The following GPAT4 variants were observed in gnomAD, a reference collection of about 807,000 sequenced individuals.
GPAT4 encodes the protein glycerol-3-phosphate acyltransferase 4, also known as 1-AGP acyltransferase 6.
Under a neutral mutation model 58.0 loss-of-function variants are expected in GPAT4, and 17 were observed. That is an observed-to-expected ratio of 0.29 (90% CI 0.20 to 0.44). The LOEUF is 0.44. GPAT4 is among the 20% of genes least tolerant of loss of function. The probability of loss-of-function intolerance (pLI) is 1.00; values close to 1 mark genes in which losing one functional copy is unlikely to be tolerated. For synonymous variants in GPAT4, 204 were observed against 210.1 expected, an observed-to-expected ratio of 0.97 and a Z score of 0.25; for missense variants, 377 against 574.5, an observed-to-expected ratio of 0.66 and a Z score of 3.51.
intron 2 of GPAT4, among the ~76,000 whole-genome samples, chr8:41,605,276 G>A (rs983613419): frequency 1.6e-4 from 24 of 152,212 alleles, no homozygotes; most frequent in African/African-American, 1.4e-4. Flanking sequence ...AACTCAGAAT[G>A]AATTAGTTGA....
intron 1 of GPAT4, among the ~76,000 whole-genome samples, chr8:41,581,928 C>T (rs554686125): frequency 1.7e-4 from 24 of 143,202 alleles, no homozygotes; most frequent in African/African-American, 5.1e-4. Flanking sequence ...CCATCGCACC[C>T]GGCCGACTTG....
At chr8:41,579,559 C>T (rs1393255380) in intron 1 of GPAT4, among the ~76,000 whole-genome samples, 1 of 151,334 alleles carries the variant, frequency 6.6e-6, no homozygotes, top group Non-Finnish European at 1.5e-5. Flanking sequence ...AAAGTATGGC[C>T]GGGCGTGGTG....
chr8:41,618,509 GC>G lies in GPAT4; in HGVS notation c.1054-174del, dbSNP rs59962050. ...GGGTTCCTCGGGGGAGATCAGTGTT[GC>G]TCACAGTCAGAACCGGCCACATGGA... On this transcript the variant is annotated intron_variant, in intron 10 of 12. Transcript: ENST00000396987. 3,109 of 778,204 alleles carry G rather than the reference GC, an allele frequency of 4.0e-3. 81 individuals carry two copies. The African/African-American group carries it at 0.046, about 11-fold the overall frequency. The allele number at this position is 778,204 out of a possible 1,614,324, so 48.2% of individuals were successfully genotyped here.
rs183566588 is a variant in GPAT4 at position 41,598,717 on chromosome 8, A to C, written c.-423A>C. 8 of 161,680 alleles carry C rather than the reference A, an allele frequency of 4.9e-5. No homozygotes were observed. In the East Asian group the frequency reaches 1.4e-3, roughly 29 times the overall value. 10.0% of individuals were successfully genotyped at this position (161,680 alleles called of 1,614,324 possible). A position where few individuals can be genotyped will look rare whatever the true frequency, so the allele number is the denominator to read the frequency against. On this transcript the variant is annotated 5_prime_UTR_variant, in exon 2 of 13. Transcript: ENST00000396987. The stretch of plus-strand genomic sequence containing the variant: ...TTTAATTCTTCTTCGTACTTCTGGT[A>C]GTGACAGATCTGCAGGACAGATTTA...
At chr8:41,585,634 G>A (rs74827925) in intron 1 of GPAT4, among the ~76,000 whole-genome samples, 1,566 of 152,308 alleles carry the variant, frequency 0.01, 30 homozygotes, top group African/African-American at 0.033. Context: ...CACAGGATAT[G>A]TATTATTCCC....
intron 9 of GPAT4, 116 bp from the exon 10 acceptor site, chr8:41,614,847 C>G: frequency 1.2e-6 from 1 of 812,886 alleles, no homozygotes; most frequent in Non-Finnish European, 2.0e-6. Context: ...ACAGATGTAT[C>G]TTACTGGAGG....
In GPAT4 at chr8:41,599,188, A is replaced by G; in HGVS notation, c.49A>G (p.Ile17Val). 1 of 1,613,744 alleles carries G rather than the reference A, an allele frequency of 6.2e-7. No individual in the cohort carries two copies. Among genetic ancestry groups the G allele is most frequent in the Non-Finnish European group, 8.5e-7 (1 of 1,179,890 alleles). ...FDSLIVNLLG[I>V]SLTVLFTLLL... ...TAGCCTGATTGTCAACCTTCTGGGCATCTCCCTGACTGTCCTCTTCACCCT... is the reference window on the plus strand; with the variant it reads ...TAGCCTGATTGTCAACCTTCTGGGCGTCTCCCTGACTGTCCTCTTCACCCT... Residue 17 changes from isoleucine (I) to valine (V), a missense_variant, in exon 2 of 13, where the codon ATC becomes GTC. By Grantham distance (29) the Ile-to-Val change is conservative. Coordinates refer to ENST00000396987, the MANE Select transcript of GPAT4 (RefSeq NM_178819.4).
At chr8:41,620,131 T>G (rs1803705411) in intron 12 of GPAT4, among the ~76,000 whole-genome samples, 1 of 152,236 alleles carries the variant, frequency 6.6e-6, no homozygotes, top group Non-Finnish European at 1.5e-5. Context: ...GCTTTTAAAA[T>G]CTATGCCTTT....
intron 1 of GPAT4, among the ~76,000 whole-genome samples, chr8:41,589,552 A>G (rs997041307): frequency 6.6e-6 from 1 of 152,132 alleles, no homozygotes; most frequent in East Asian, 1.9e-4. Flanking sequence ...TGTTTTTTGC[A>G]TCTGTTTAAA....
chr8:41,615,082 C>T, intron 10 of GPAT4, 34 bp downstream of exon 10: 1 of 1,565,834 alleles, frequency 6.4e-7, no homozygotes, highest in Non-Finnish European at 8.8e-7. Flanking sequence ...ACTGTCATTA[C>T]TGGAGCTGCT....
At chr8:41,585,950 A>G (rs971328120) in intron 1 of GPAT4, among the ~76,000 whole-genome samples, 6 of 152,352 alleles carry the variant, frequency 3.9e-5, no homozygotes, top group African/African-American at 4.8e-5. Flanking sequence ...TTAATCTTAG[A>G]TTCTTTTAAA....
rs1312820786 is a variant in GPAT4, at chr8:41,603,163, A to G, written c.165+3859A>G. On this transcript the variant is annotated intron_variant, in intron 2 of 12. Coordinates refer to ENST00000396987, the MANE Select transcript of GPAT4 (RefSeq NM_178819.4). ...TAAGTTTAGAGCCGGAAGAAAGTTC[A>G]GAGATCGTCTTCATTTTGCCGTTCT... Among the ~76,000 whole-genome samples the G allele has an allele frequency of 1.3e-5, 2 of 152,216 alleles. 1 individual carries two copies. Among genetic ancestry groups the G allele is most frequent in the Non-Finnish European group, 2.9e-5 (2 of 68,022 alleles).
Position 41,613,443 on chromosome 8 carries a change from CT to C in GPAT4, c.911+490del, listed in dbSNP as rs542112864. Among the ~76,000 whole-genome samples the C allele has an allele frequency of 3.4e-3, 511 of 151,996 alleles. 1 individual carries two copies. Among genetic ancestry groups the C allele is most frequent in the Non-Finnish European group, 5.3e-3 (358 of 67,972 alleles). On this transcript the variant is annotated intron_variant, in intron 8 of 12. Transcript: ENST00000396987. ...TACCAAGTTAATAATGTTTCTTAAC[CT>C]TTTTTTAATTCATTGTACCCATCAT...
intron 7 of GPAT4, 96 bp downstream of exon 7, chr8:41,612,369 A>G: frequency 3.2e-6 from 4 of 1,250,268 alleles, no homozygotes; most frequent in East Asian, 4.7e-5. Flanking sequence ...AAACACATTT[A>G]TGCGTGGGCC....
intron 5 of GPAT4, 47 bp downstream of exon 5, chr8:41,610,857 G>C (rs757361050): frequency 1.9e-6 from 3 of 1,543,170 alleles, no homozygotes; most frequent in Middle Eastern, 1.7e-4. Flanking sequence ...TTAGTTCTGG[G>C]AATGGTGCTC....
intron 12 of GPAT4, 106 bp from the exon 13 acceptor site, chr8:41,620,787 C>T (rs1803725119): frequency 4.0e-6 from 6 of 1,496,114 alleles, no homozygotes; most frequent in South Asian, 2.6e-5. Flanking sequence ...TACCCTGTTT[C>T]TGGCAGGTTT....
rs778706775 is a variant in GPAT4 at position 41,612,315 on chromosome 8, G to C, written c.795+42G>C. On this transcript the variant is annotated intron_variant, in intron 7 of 12. Coordinates refer to ENST00000396987, the MANE Select transcript of GPAT4 (RefSeq NM_178819.4). Reference sequence around the variant, plus strand: ...GTGCGTTCTTGAGGCAAGACTTCCTGCTTTAGAGTGGTCAGGGCTAGGAGG... The same window carrying C: ...GTGCGTTCTTGAGGCAAGACTTCCTCCTTTAGAGTGGTCAGGGCTAGGAGG... 5 of 1,602,522 alleles carry C rather than the reference G, an allele frequency of 3.1e-6. No individual in the cohort carries two copies. In the South Asian group the frequency reaches 5.5e-5, roughly 18 times the overall value.
At chr8:41,617,105 T>C (rs996491117) in intron 10 of GPAT4, among the ~76,000 whole-genome samples, 1 of 152,190 alleles carries the variant, frequency 6.6e-6, no homozygotes, top group Non-Finnish European at 1.5e-5. Flanking sequence ...TTCACGCCTG[T>C]AATCCCAGCA....
intron 1 of GPAT4, among the ~76,000 whole-genome samples, chr8:41,588,059 C>T (rs1446864434): frequency 2.6e-5 from 4 of 152,112 alleles, no homozygotes; most frequent in African/African-American, 9.7e-5. Context: ...TTGTGTCATA[C>T]GTTATAATGC....
Sources: allele counts gnomAD v4.1 joint callset (sites outside exome capture counted in the v4.1 genomes callset), GRCh38; gene constraint gnomAD v4.1.1; transcripts MANE v1.5; gene names NCBI Gene and HGNC (gene_info 2026-07-23, HGNC 2026-07-21).